The following WWOX variants were observed in gnomAD, a reference collection of about 807,000 sequenced individuals.
WWOX encodes WW domain containing oxidoreductase.
WWOX carries 69 observed loss-of-function variants against 46.2 expected under a neutral mutation model. The ratio of observed to expected loss-of-function variants is 1.49; its 90% CI spans 1.23 to 1.82. WWOX has a LOEUF of 1.82. WWOX is among the 40% of genes most tolerant of loss of function. The probability of loss-of-function intolerance (pLI) is 0.00; values close to 1 mark genes in which losing one functional copy is unlikely to be tolerated. For missense variants in WWOX, 919 were observed against 542.6 expected (o/e 1.69, Z -6.89); for synonymous variants, 359 against 202.6 (o/e 1.77, Z -6.56).
At chr16:78,110,480 AT>A (rs1211652259) in intron 3 of WWOX, among the ~76,000 whole-genome samples, 1 of 151,960 alleles carries the variant, frequency 6.6e-6, no homozygotes, top group Non-Finnish European at 1.5e-5. Flanking sequence ...CTCTAGAGTT[AT>A]TATTTTGTAC....
At chr16:79,096,016 A>ATTTTTTTTT (rs57621801) in intron 8 of WWOX, among the ~76,000 whole-genome samples, 4 of 82,050 alleles carry the variant, frequency 4.9e-5, no homozygotes, top group East Asian at 4.3e-4. Context: ...CACCCGGATA[A>ATTTTTTTTT]TTTTTTTTTT....
chr16:78,868,456 G>A (rs28628147), intron 8 of WWOX, among the ~76,000 whole-genome samples: 24,363 of 144,582 alleles, frequency 0.17, 2,396 homozygotes, highest in Non-Finnish European at 0.22. Flanking sequence ...TGTGGTGATG[G>A]CTGCACAACT....
intron 8 of WWOX, among the ~76,000 whole-genome samples, chr16:79,060,188 C>T (rs1467539220): frequency 1.3e-5 from 2 of 152,166 alleles, no homozygotes; most frequent in African/African-American, 4.8e-5. Flanking sequence ...CCCACCAAGC[C>T]TCATTTTTCT....
At chr16:79,071,025 C>G (rs542194460) in intron 8 of WWOX, among the ~76,000 whole-genome samples, 1 of 152,216 alleles carries the variant, frequency 6.6e-6, no homozygotes, top group South Asian at 2.1e-4. Context: ...TCGAGGGATG[C>G]AGCCCATACG....
At chr16:78,914,898 AAAAAAG>A (rs1025261248) in intron 8 of WWOX, among the ~76,000 whole-genome samples, 4 of 151,314 alleles carry the variant, frequency 2.6e-5, no homozygotes, top group African/African-American at 9.7e-5. Flanking sequence ...AAAAAAAAAA[AAAAAAG>A]GAACCAGATG....
At chr16:78,485,940 T>G (rs145841069) in intron 8 of WWOX, among the ~76,000 whole-genome samples, 4 of 152,370 alleles carry the variant, frequency 2.6e-5, no homozygotes, top group African/African-American at 9.6e-5. Flanking sequence ...TTATGGTGTT[T>G]AATTATTATT....
intron 5 of WWOX, among the ~76,000 whole-genome samples, chr16:78,330,609 A>G (rs1312659742): frequency 6.6e-6 from 1 of 152,136 alleles, no homozygotes; most frequent in Non-Finnish European, 1.5e-5. Flanking sequence ...GTTGGCCGGG[A>G]TGCTCTCGAT....
At chr16:78,888,461 TC>T (rs1344727333) in intron 8 of WWOX, among the ~76,000 whole-genome samples, 4 of 152,186 alleles carry the variant, frequency 2.6e-5, no homozygotes, top group African/African-American at 9.6e-5. Flanking sequence ...CATCCTGAGG[TC>T]CACTAGGTGC....
rs569582151 is a variant in WWOX at position 78,707,990 on chromosome 16, T to A, written c.1056+275238T>A. On this transcript the variant is annotated intron_variant, in intron 8 of 8. Coordinates refer to ENST00000566780, the MANE Select transcript of WWOX (RefSeq NM_016373.4). ...ATAGTAAATAACACTTGATCTTTGG[T>A]CTTCTGACCTGAAATCCCATGGCTA... Among the ~76,000 whole-genome samples, 17 of 152,326 alleles carry A rather than the reference T, an allele frequency of 1.1e-4. No homozygotes were observed. The South Asian group carries it at 3.3e-3, about 30-fold the overall frequency.
intron 8 of WWOX, among the ~76,000 whole-genome samples, chr16:78,500,983 C>G (rs567232944): frequency 1.3e-5 from 2 of 152,234 alleles, no homozygotes; most frequent in South Asian, 4.2e-4. Flanking sequence ...TGACTTAAAA[C>G]CCAGCCAGGG....
At chr16:78,673,224 C>T (rs2047509139) in intron 8 of WWOX, among the ~76,000 whole-genome samples, 2 of 151,836 alleles carry the variant, frequency 1.3e-5, no homozygotes, top group Admixed American at 1.3e-4. Context: ...CAGGAATTTT[C>T]AGAGCATGTA....
chr16:78,924,182 G>C (rs377754217), intron 8 of WWOX, among the ~76,000 whole-genome samples: 1 of 152,122 alleles, frequency 6.6e-6, no homozygotes, highest in Non-Finnish European at 1.5e-5. Context: ...TGGGTAGACC[G>C]GGGAAGGTAG....
chr16:78,834,540 G>A (rs1444893100), intron 8 of WWOX, among the ~76,000 whole-genome samples: 1 of 152,170 alleles, frequency 6.6e-6, no homozygotes, highest in Non-Finnish European at 1.5e-5. Context: ...AAGGTCTGAA[G>A]GCTGGCAGAA....
intron 8 of WWOX, among the ~76,000 whole-genome samples, chr16:78,607,617 C>A (rs887717010): frequency 6.7e-6 from 1 of 149,052 alleles, no homozygotes; most frequent in East Asian, 2.0e-4. Context: ...ATTCAGCTGG[C>A]GTAAGAGGAG....
At chr16:78,893,508 G>A (rs1403636256) in intron 8 of WWOX, among the ~76,000 whole-genome samples, 1 of 152,148 alleles carries the variant, frequency 6.6e-6, no homozygotes, top group African/African-American at 2.4e-5. Flanking sequence ...GAAGGGTGAG[G>A]TCACTGCCTA....
intron 8 of WWOX, among the ~76,000 whole-genome samples, chr16:78,993,791 G>A (rs1376638476): frequency 1.3e-5 from 2 of 152,204 alleles, no homozygotes; most frequent in Non-Finnish European, 2.9e-5. Context: ...GTGGCTTTTC[G>A]TGGTGCAGCT....
At chr16:78,728,752 C>A (rs1043906492) in intron 8 of WWOX, among the ~76,000 whole-genome samples, 1 of 152,166 alleles carries the variant, frequency 6.6e-6, no homozygotes, top group Admixed American at 6.5e-5. Flanking sequence ...GGAAAACAAT[C>A]TTCCTTGTAA....
At chr16:79,156,202 C>A (rs1376612246) in intron 8 of WWOX, among the ~76,000 whole-genome samples, 2 of 152,058 alleles carry the variant, frequency 1.3e-5, no homozygotes. Context: ...CACTCTGTTG[C>A]CCAGGCTGGA....
intron 8 of WWOX, among the ~76,000 whole-genome samples, chr16:78,787,475 A>G (rs975452521): frequency 1.3e-5 from 2 of 152,164 alleles, no homozygotes; most frequent in Non-Finnish European, 2.9e-5. Context: ...AGGTTCATCC[A>G]TGTTGTAGAA....
Sources: gnomAD v4.1 joint callset for allele counts (sites outside exome capture counted in the v4.1 genomes callset) on GRCh38, gnomAD v4.1.1 for gene constraint, MANE v1.5 for transcripts, NCBI Gene and HGNC (gene_info 2026-07-23, HGNC 2026-07-21) for gene names.